KLRG1: variants seen among roughly 807,000 people sequenced by gnomAD.
The protein encoded by KLRG1 is killer cell lectin-like receptor subfamily G member 1.
Under a neutral mutation model 21.8 loss-of-function variants are expected in KLRG1, and 16 were observed. The observed-to-expected ratio is 0.73, with a 90% CI of 0.50 to 1.11. KLRG1 has a LOEUF of 1.11. KLRG1 is among the 50% of genes most tolerant of loss of function. The pLI, the probability that KLRG1 is intolerant of heterozygous loss-of-function variation, is 0.00. For synonymous variants in KLRG1, 69 were observed against 75.9 expected, an observed-to-expected ratio of 0.91 and a Z score of 0.47; for missense variants, 173 against 218.3, an observed-to-expected ratio of 0.79 and a Z score of 1.31.
At chr12:9,192,209 A>G in the KLRG1 span, 1 of 1,613,962 alleles carries the variant, frequency 6.2e-7, no homozygotes, top group Non-Finnish European at 8.5e-7. Flanking sequence ...CTGACTCCAC[A>G]GGCAGAGTGT....
Position 8,977,762 on chromosome 12 carries a change from CTTG to C in KLRG1, c.-155-14438_-155-14436del, listed in dbSNP as rs879047188. On this transcript the variant is annotated intron_variant, in intron 1 of 4. Transcript: ENST00000539240. ...TTACTTTGAGTCTTGAATAAAATAA[CTTG>C]TTGTTAAAATAATCTATTTTGAGTT... is the stretch of plus-strand genomic sequence containing the variant. 8.5e-5 allele frequency among the ~76,000 whole-genome samples: 13 copies of C among 152,104 alleles called. No homozygotes were observed. In the East Asian group the frequency reaches 1.5e-3, roughly 18 times the overall value.
chr12:8,955,375 ATTTTTTTTTTTTTTT>A lies in KLRG1; in HGVS notation c.-156+5162_-156+5176del, dbSNP rs61263683. ...AGTCCTAGAGGCAACTATTGCTCTG[ATTTTTTTTTTTTTTT>A]TTTTTTTTTTTTTTTTTTTTTTGAG... On this transcript the variant is annotated intron_variant, in intron 1 of 4. Coordinates refer to the KLRG1 transcript ENST00000539240. Among the ~76,000 whole-genome samples, 133 of 71,312 alleles carry A rather than the reference ATTTTTTTTTTTTTTT, an allele frequency of 1.9e-3. 1 individual carries two copies. The highest frequency in any genetic ancestry group is 6.1e-3 in the South Asian group (11 of 1,802). 46.8% of individuals were successfully genotyped at this position (71,312 alleles called of 152,430 possible). A position where few individuals can be genotyped will look rare whatever the true frequency, so the allele number is the denominator to read the frequency against.
At chr12:9,193,938 T>G in the KLRG1 span, 2 of 829,524 alleles carry the variant, frequency 2.4e-6, no homozygotes, top group Non-Finnish European at 3.5e-6. Context: ...CATGAAATTC[T>G]ATTATCCTCA....
At chr12:9,201,248 ATCTG>A in the KLRG1 span, 239 of 1,352,814 alleles carry the variant, frequency 1.8e-4, no homozygotes, top group Admixed American at 6.3e-5. Flanking sequence ...AAAGTAGTTC[ATCTG>A]TCTAGAGTAT....
At chr12:9,095,742 C>CTTTTTT in the KLRG1 span, 31 of 292,922 alleles carry the variant, frequency 1.1e-4, no homozygotes, top group Admixed American at 2.5e-4. Context: ...TTATTTGTGA[C>CTTTTTT]TTTTTTTTTT....
At chr12:9,192,709 G>A in the KLRG1 span, 1 of 1,612,926 alleles carries the variant, frequency 6.2e-7, no homozygotes, top group Admixed American at 1.7e-5. Flanking sequence ...CATGAATAGT[G>A]AAAACACAAG....
At chr12:9,201,315 T>A in the KLRG1 span, 1 of 1,533,956 alleles carries the variant, frequency 6.5e-7, no homozygotes, top group Non-Finnish European at 9.0e-7. Context: ...AGATACTTTT[T>A]CTGATACTTA....
At chr12:9,033,589 A>G in the KLRG1 span, among the ~76,000 whole-genome samples, 2 of 152,202 alleles carry the variant, frequency 1.3e-5, no homozygotes, top group East Asian at 1.9e-4. Context: ...TTGCTCAGCT[A>G]TGGGAGCTTG....
chr12:9,096,475 G>T, the KLRG1 span, among the ~76,000 whole-genome samples: 4 of 152,158 alleles, frequency 2.6e-5, no homozygotes, highest in African/African-American at 7.2e-5. Flanking sequence ...ACACGAATAG[G>T]AATATCCTCT....
the KLRG1 span, chr12:9,192,313 C>A: frequency 6.6e-7 from 1 of 1,526,060 alleles, no homozygotes; most frequent in South Asian, 1.1e-5. Context: ...TCTCAGCCTT[C>A]TATTCCCCAC....
chr12:9,106,480 A>T, the KLRG1 span: 3,045 of 1,538,102 alleles, frequency 2.0e-3, 47 homozygotes, highest in African/African-American at 0.035. Context: ...ATACCCATGT[A>T]GTACACAAAC....
At chr12:9,110,041 T>A in the KLRG1 span, 1 of 1,600,278 alleles carries the variant, frequency 6.2e-7, no homozygotes, top group South Asian at 1.1e-5. Context: ...GGATCCTATA[T>A]GAGTAAATTA....
the KLRG1 span, chr12:9,128,192 G>T: frequency 5.0e-6 from 1 of 200,968 alleles, no homozygotes; most frequent in Admixed American, 4.8e-5. Flanking sequence ...CAGTGTGGAG[G>T]TGGATTCTGC....
the KLRG1 span, among the ~76,000 whole-genome samples, chr12:9,105,380 AT>A: frequency 6.6e-6 from 1 of 152,222 alleles, no homozygotes; most frequent in African/African-American, 2.4e-5. Flanking sequence ...AAATTTACAA[AT>A]GAGCTACACT....
the KLRG1 span, chr12:9,181,958 T>C: frequency 1.2e-6 from 2 of 1,610,424 alleles, no homozygotes; most frequent in Non-Finnish European, 1.7e-6. Context: ...CTTTTAATTT[T>C]ATGTTAAATC....
chr12:9,136,783 G>A, the KLRG1 span, among the ~76,000 whole-genome samples: 1 of 152,132 alleles, frequency 6.6e-6, no homozygotes, highest in Non-Finnish European at 1.5e-5. Flanking sequence ...TAGTGGCATT[G>A]AGCATTTTTT....
At chr12:9,117,526 C>T in the KLRG1 span, among the ~76,000 whole-genome samples, 2 of 152,146 alleles carry the variant, frequency 1.3e-5, no homozygotes, top group African/African-American at 2.4e-5. Context: ...ATTTTCCTGG[C>T]TCGTCACGGA....
intron 1 of KLRG1, among the ~76,000 whole-genome samples, chr12:8,955,612 G>A (rs1322070790): frequency 1.3e-5 from 2 of 151,286 alleles, no homozygotes; most frequent in Non-Finnish European, 2.9e-5. Flanking sequence ...AGCTGGTCTT[G>A]AATTCCTGGG....
At chr12:9,018,662 G>A in the KLRG1 span, among the ~76,000 whole-genome samples, 707 of 146,818 alleles carry the variant, frequency 4.8e-3, 5 homozygotes, top group African/African-American at 0.017. Context: ...GCAACATAGC[G>A]AGACCTCATC....
Sources: gnomAD v4.1 joint callset for allele counts (sites outside exome capture counted in the v4.1 genomes callset) on GRCh38, gnomAD v4.1.1 for gene constraint, MANE v1.5 for transcripts, NCBI Gene and HGNC (gene_info 2026-07-23, HGNC 2026-07-21) for gene names.